The following ACCS variants were observed in gnomAD, a reference collection of about 807,000 sequenced individuals.
ACCS encodes the protein 1-aminocyclopropane-1-carboxylate synthase-like protein 1.
ACCS carries 42 observed loss-of-function variants against 59.8 expected under a neutral mutation model. That is an observed-to-expected ratio of 0.70 (90% CI 0.55 to 0.91). The LOEUF (loss-of-function observed/expected upper bound fraction) is 0.91. Among genes scored for constraint, ACCS ranks in the 40% least tolerant of loss-of-function variants. The probability of loss-of-function intolerance (pLI) is 0.00; values close to 1 mark genes in which losing one functional copy is unlikely to be tolerated. For missense variants in ACCS, 602 were observed against 630.4 expected (o/e 0.95, Z 0.48); for synonymous variants, 230 against 240.3 (o/e 0.96, Z 0.40).
chr11:44,068,043 A>T (rs1952873727), intron 2 of ACCS, 128 bp downstream of exon 2: 1 of 1,053,138 alleles, frequency 9.5e-7, no homozygotes, highest in Non-Finnish European at 1.3e-6. Context: ...GACCTCCAAG[A>T]GGGCTTCTGA....
chr11:44,083,910 T>G lies in ACCS; in HGVS notation c.*118T>G. ...TGCCAGGAAGGTATCTAACTTGGCTTTGTGCCTGAAGAACTGTTTCTTGTC... is the reference window on the plus strand; with the variant it reads ...TGCCAGGAAGGTATCTAACTTGGCTGTGTGCCTGAAGAACTGTTTCTTGTC... On this transcript the variant is annotated 3_prime_UTR_variant, in exon 15 of 15. Coordinates refer to ENST00000263776, the MANE Select transcript of ACCS (RefSeq NM_032592.4). 1 of 1,498,892 alleles carries G rather than the reference T, an allele frequency of 6.7e-7. No homozygotes were observed. The allele number at this position is 1,498,892 out of a possible 1,614,324, so 92.8% of individuals were successfully genotyped here. A position where few individuals can be genotyped will look rare whatever the true frequency, so the allele number is the denominator to read the frequency against.
At chr11:44,073,813 G>A (rs1228587101) in intron 4 of ACCS, among the ~76,000 whole-genome samples, 1 of 152,210 alleles carries the variant, frequency 6.6e-6, no homozygotes, top group African/African-American at 2.4e-5. Flanking sequence ...CTGGGAACCT[G>A]GGTTTAAAGC....
intron 12 of ACCS, among the ~76,000 whole-genome samples, chr11:44,082,778 G>A (rs113031953): frequency 1.3e-5 from 2 of 152,168 alleles, no homozygotes; most frequent in East Asian, 3.8e-4. Flanking sequence ...GGATCAGAGA[G>A]GTGAAGTTGC....
intron 6 of ACCS, among the ~76,000 whole-genome samples, chr11:44,076,399 A>T (rs565909971): frequency 6.6e-6 from 1 of 152,380 alleles, no homozygotes; most frequent in African/African-American, 2.4e-5. Context: ...GGTCGGTTCT[A>T]TGGTTATCTC....
At chr11:44,072,895 G>A (rs1243954670) in intron 3 of ACCS, among the ~76,000 whole-genome samples, 1 of 152,140 alleles carries the variant, frequency 6.6e-6, no homozygotes, top group Admixed American at 6.5e-5. Flanking sequence ...AGTGCGTAAG[G>A]CCCCTGCATT....
chr11:44,068,474 G>T (rs1345534204), intron 2 of ACCS, among the ~76,000 whole-genome samples: 1 of 152,026 alleles, frequency 6.6e-6, no homozygotes, highest in African/African-American at 2.4e-5. Flanking sequence ...GTGTGGTGGC[G>T]TGCACTTGTG....
At chr11:44,078,100 G>T in intron 8 of ACCS, 178 bp downstream of exon 8, 1 of 783,724 alleles carries the variant, frequency 1.3e-6, no homozygotes. Context: ...TGCCCAGGGA[G>T]GGTCTTCCCT....
At chr11:44,079,480 G>A (rs562754933) in intron 9 of ACCS, 51 bp from the exon 10 acceptor site, 35 of 1,475,548 alleles carry the variant, frequency 2.4e-5, no homozygotes, top group Non-Finnish European at 3.0e-5. Flanking sequence ...CCTGTGGGAC[G>A]CATCTGCCCT....
intron 3 of ACCS, 110 bp downstream of exon 3, chr11:44,071,425 A>G: frequency 7.9e-7 from 1 of 1,266,838 alleles, no homozygotes. Flanking sequence ...CTGGCCTGGG[A>G]ATCAGGAGAC....
intron 6 of ACCS, among the ~76,000 whole-genome samples, chr11:44,076,600 G>A (rs573539769): frequency 3.9e-5 from 6 of 152,326 alleles, no homozygotes; most frequent in South Asian, 2.1e-4. Context: ...TATAAAGTTA[G>A]GATATAATAA....
rs371252839 is a variant in ACCS, at chr11:44,081,169, C to T, written c.970-10C>T. The stretch of plus-strand genomic sequence containing the variant: ...GGGCTGGCCACCGCCTAGGGTGCTT[C>T]TTCCTGCAGGACTTCGGGATGTCTG... On this transcript the variant is annotated splice_polypyrimidine_tract_variant and intron_variant, in intron 11 of 14. Transcript: ENST00000263776. The T allele has an allele frequency of 6.8e-6, 11 of 1,614,236 alleles. No individual in the cohort carries two copies. Among genetic ancestry groups the T allele is most frequent in the Non-Finnish European group, 9.3e-6 (11 of 1,180,034 alleles).
intron 4 of ACCS, among the ~76,000 whole-genome samples, chr11:44,074,237 G>A (rs1181307018): frequency 6.6e-6 from 1 of 152,106 alleles, no homozygotes; most frequent in African/African-American, 2.4e-5. Context: ...ATTATGAAGA[G>A]TAAGTAAAAA....
chr11:44,067,544 G>A (rs759238160), intron 1 of ACCS, 84 bp from the exon 2 acceptor site: 2 of 1,390,812 alleles, frequency 1.4e-6, no homozygotes, highest in African/African-American at 1.5e-5. Context: ...AAGAGAAAGG[G>A]GACTCCCATG....
At chr11:44,067,579 G>A in intron 1 of ACCS, 49 bp from the exon 2 acceptor site, 1 of 1,539,904 alleles carries the variant, frequency 6.5e-7, no homozygotes, top group African/African-American at 1.4e-5. Context: ...CTGATGCTTG[G>A]TGCTATGGAA....
At chr11:44,073,914 G>A (rs925626438) in intron 4 of ACCS, among the ~76,000 whole-genome samples, 12 of 152,168 alleles carry the variant, frequency 7.9e-5, no homozygotes, top group Non-Finnish European at 1.6e-4. Context: ...GCTGGCTGGG[G>A]CCTTTTCCTA....
chr11:44,072,690 A>G (rs78751274), intron 3 of ACCS, among the ~76,000 whole-genome samples: 4,035 of 152,298 alleles, frequency 0.026, 190 homozygotes, highest in African/African-American at 0.091. Context: ...TATATTTTAC[A>G]TACTTTTTTC....
At position 44,077,268 on chromosome 11, in the gene ACCS, C is replaced by T. The variant is rs780585668; in HGVS notation, c.557-11C>T. 36 of 1,612,666 alleles carry T rather than the reference C, an allele frequency of 2.2e-5. No individual in the cohort carries two copies. The highest frequency in any genetic ancestry group is 3.0e-5 in the Non-Finnish European group (35 of 1,179,356). ...AGAAAGTGACAGGCCCTCGCCCACT[C>T]CTGCCCCCAGAGGCTTTCCTGATCC... On this transcript the variant is annotated splice_polypyrimidine_tract_variant and intron_variant, in intron 6 of 14. Coordinates refer to ENST00000263776, the MANE Select transcript of ACCS (RefSeq NM_032592.4).
intron 8 of ACCS, 196 bp downstream of exon 8, chr11:44,078,118 C>T (rs1218532566): frequency 1.6e-6 from 1 of 632,728 alleles, no homozygotes; most frequent in Non-Finnish European, 2.6e-6. Flanking sequence ...CCTTTCAAAA[C>T]AGACTCTCAG....
chr11:44,067,432 T>C (rs1377443847), intron 1 of ACCS, 196 bp from the exon 2 acceptor site: 10 of 587,828 alleles, frequency 1.7e-5, no homozygotes, highest in Non-Finnish European at 3.0e-5. Context: ...TGGCACGTAC[T>C]AGGTCCTTAA....
Sources: gnomAD v4.1 joint callset for allele counts (sites outside exome capture counted in the v4.1 genomes callset) on GRCh38, gnomAD v4.1.1 for gene constraint, MANE v1.5 for transcripts, NCBI Gene and HGNC (gene_info 2026-07-23, HGNC 2026-07-21) for gene names.